The following STAP2 variants were observed in gnomAD, a reference collection of about 807,000 sequenced individuals.
STAP2 encodes signal-transducing adaptor protein 2.
STAP2 carries 58 observed loss-of-function variants against 52.7 expected under a neutral mutation model. That is an observed-to-expected ratio of 1.10 (90% CI 0.89 to 1.37). STAP2 has a LOEUF of 1.37. Among genes scored for constraint, STAP2 ranks in the 40% most tolerant of loss-of-function variants. STAP2 has a pLI of 0.00. For synonymous variants in STAP2, 231 were observed against 210.5 expected, an observed-to-expected ratio of 1.10 and a Z score of -0.84; for missense variants, 522 against 519.4, an observed-to-expected ratio of 1.00 and a Z score of -0.05.
At chr19:4,332,510 TTA>T (rs1469146505) in intron 3 of STAP2, among the ~76,000 whole-genome samples, 1 of 152,064 alleles carries the variant, frequency 6.6e-6, no homozygotes, top group African/African-American at 2.4e-5. Flanking sequence ...CTGGCTGATA[TTA>T]TGATTTTTGA....
intron 8 of STAP2, 34 bp downstream of exon 8, chr19:4,327,090 A>G (rs1162243446): frequency 1.9e-6 from 3 of 1,612,684 alleles, no homozygotes; most frequent in East Asian, 4.5e-5. Context: ...AGAGGTGAGC[A>G]CTGGGCCCCC....
intron 4 of STAP2, among the ~76,000 whole-genome samples, chr19:4,330,932 C>T (rs1409397654): frequency 6.6e-6 from 1 of 151,896 alleles, no homozygotes; most frequent in Non-Finnish European, 1.5e-5. Context: ...CCAGGATGGT[C>T]TTGATCTCCT....
At chr19:4,326,324 G>T (rs578172631) in intron 9 of STAP2, among the ~76,000 whole-genome samples, 1 of 152,202 alleles carries the variant, frequency 6.6e-6, no homozygotes, top group Non-Finnish European at 1.5e-5. Context: ...TCACCTTCTG[G>T]CTAGGCAGGT....
intron 8 of STAP2, 48 bp from the exon 9 acceptor site, chr19:4,327,055 C>G: frequency 3.1e-6 from 5 of 1,601,644 alleles, no homozygotes; most frequent in Non-Finnish European, 4.3e-6. Context: ...CCAGGGGCGG[C>G]CCGGTCCGTC....
rs140645177 is a variant in STAP2, at chr19:4,328,689, C to G, written c.576G>C (p.Arg192=). ...CGCATGCGCACCCGTTGTGCATCTGCCGCGTGGTGACCGACACGCCGTCGG... is the reference window on the plus strand; with the variant it reads ...CGCATGCGCACCCGTTGTGCATCTGGCGCGTGGTGACCGACACGCCGTCGG... The part of the protein sequence containing the change: ...DGADGVSVTT[R]QMHNGTHVVR... The change falls in exon 6 of 13, where the codon CGG becomes CGC. Residue 192 remains arginine, a synonymous_variant. Coordinates refer to ENST00000594605, the MANE Select transcript of STAP2 (RefSeq NM_001013841.2). The G allele has an allele frequency of 6.2e-7, 1 of 1,601,426 alleles. No individual in the cohort carries two copies. Among genetic ancestry groups the G allele is most frequent in the Non-Finnish European group, 8.5e-7 (1 of 1,174,972 alleles).
At chr19:4,326,801 G>A (rs895187166) in intron 9 of STAP2, 141 bp downstream of exon 9, 53 of 1,084,244 alleles carry the variant, frequency 4.9e-5, no homozygotes, top group Non-Finnish European at 2.1e-5. Context: ...CACCCTGACG[G>A]CAGGGTCTGA....
rs111727127 is a variant in STAP2, at chr19:4,324,234, G to A, written c.1148-37C>T. 102 of 1,546,768 alleles carry A rather than the reference G, an allele frequency of 6.6e-5. No homozygotes were observed. The Middle Eastern group carries it at 1.1e-3, about 16-fold the overall frequency. ...GGACCAGGAGCTGCAGCTGGCTCAG[G>A]GATCCCCAGTCCATGCCCACCGCCC... On this transcript the variant is annotated intron_variant, in intron 12 of 12. Coordinates refer to ENST00000594605, the MANE Select transcript of STAP2 (RefSeq NM_001013841.2).
chr19:4,338,568 G>GC, intron 1 of STAP2, 84 bp downstream of exon 1: 2 of 896,778 alleles, frequency 2.2e-6, no homozygotes, highest in Non-Finnish European at 1.6e-6. Context: ...CCCCCCCTTG[G>GC]CGAGTGGGGA....
chr19:4,328,586 G>A, intron 6 of STAP2, 89 bp downstream of exon 6: 1 of 1,502,544 alleles, frequency 6.7e-7, no homozygotes, highest in Non-Finnish European at 8.9e-7. Context: ...CTAGCGGGTC[G>A]GACTCCGCCC....
intron 5 of STAP2, 50 bp from the exon 6 acceptor site, chr19:4,328,859 C>T: frequency 6.3e-7 from 1 of 1,592,150 alleles, no homozygotes; most frequent in East Asian, 2.3e-5. Flanking sequence ...CAAGTCCGCT[C>T]TTCTGCACGT....
At chr19:4,324,989 AT>A in intron 11 of STAP2, 3 of 518,228 alleles carry the variant, frequency 5.8e-6, no homozygotes, top group East Asian at 3.4e-5. Flanking sequence ...AAAAAAAAAA[AT>A]TAGCTGGGCA....
At chr19:4,338,108 A>G (rs1231786930) in intron 1 of STAP2, 1 of 142,196 alleles carries the variant, frequency 7.0e-6, no homozygotes, top group Non-Finnish European at 1.5e-5. Flanking sequence ...CTTTATTCTG[A>G]GGGAGACATA....
At chr19:4,334,806 C>CGAT in intron 1 of STAP2, among the ~76,000 whole-genome samples, 1 of 147,320 alleles carries the variant, frequency 6.8e-6, no homozygotes, top group African/African-American at 2.5e-5. Context: ...ATCCATCCCT[C>CGAT]CATCATCCAT....
At chr19:4,331,502 C>T (rs925172557) in intron 4 of STAP2, among the ~76,000 whole-genome samples, 1 of 150,884 alleles carries the variant, frequency 6.6e-6, no homozygotes, top group Non-Finnish European at 1.5e-5. Flanking sequence ...TGGTGGCGGA[C>T]GCCTGTAATC....
At chr19:4,326,847 T>A in intron 9 of STAP2, 95 bp downstream of exon 9, 19 of 1,438,058 alleles carry the variant, frequency 1.3e-5, no homozygotes, top group Non-Finnish European at 1.7e-5. Context: ...GAACATCAGA[T>A]GCAGGAGGTG....
Position 4,326,926 on chromosome 19 carries a change from G to A in STAP2, c.829+16C>T, listed in dbSNP as rs1440603062. 1.3e-6 allele frequency: 2 copies of A among 1,550,976 alleles called. No individual in the cohort carries two copies. Among genetic ancestry groups the A allele is most frequent in the South Asian group, 1.2e-5 (1 of 84,046 alleles). On this transcript the variant is annotated intron_variant, in intron 9 of 12. Transcript: ENST00000594605. ...CTCGATCCCTCCCACCTCGGCCCGC[G>A]GGAAGGGGGCGTCACCTGGGCCCGG...
At chr19:4,329,024 G>C (rs1971844661) in intron 5 of STAP2, 4 of 618,696 alleles carry the variant, frequency 6.5e-6, no homozygotes, top group African/African-American at 3.9e-5. Flanking sequence ...TTTTGAGACA[G>C]GGTTTCGCTC....
intron 1 of STAP2, among the ~76,000 whole-genome samples, chr19:4,334,998 C>A (rs1464910588): frequency 6.7e-6 from 1 of 149,770 alleles, no homozygotes; most frequent in Admixed American, 6.6e-5. Context: ...ATCCATCCAC[C>A]CACTCATCAA....
At chr19:4,333,848 C>A (rs892903116) in intron 2 of STAP2, 32 bp from the exon 3 acceptor site, 27 of 1,613,458 alleles carry the variant, frequency 1.7e-5, no homozygotes, top group Non-Finnish European at 1.4e-5. Context: ...ATCTGGGCAC[C>A]AGTTCCTTGG....
Sources: allele counts gnomAD v4.1 joint callset (sites outside exome capture counted in the v4.1 genomes callset), GRCh38; gene constraint gnomAD v4.1.1; transcripts MANE v1.5; gene names NCBI Gene and HGNC (gene_info 2026-07-23, HGNC 2026-07-21).